FAM107B: variants seen among roughly 807,000 people sequenced by gnomAD.
FAM107B encodes protein FAM107B.
A neutral mutation model predicts 31.5 loss-of-function variants in FAM107B; 21 were observed. That is an observed-to-expected ratio of 0.67 (90% CI 0.47 to 0.96). The LOEUF is 0.96. Among genes scored for constraint, FAM107B ranks in the 40% least tolerant of loss-of-function variants. The pLI, the probability that FAM107B is intolerant of heterozygous loss-of-function variation, is 0.00. For missense variants in FAM107B, 452 were observed against 377.1 expected, an observed-to-expected ratio of 1.20 and a Z score of -1.64; for synonymous variants, 157 against 141.5, an observed-to-expected ratio of 1.11 and a Z score of -0.78.
At chr10:14,642,553 G>T (rs185675603) in intron 2 of FAM107B, among the ~76,000 whole-genome samples, 1 of 152,290 alleles carries the variant, frequency 6.6e-6, no homozygotes, top group East Asian at 1.9e-4. Context: ...CAAACTGGCA[G>T]TGTTTCTGCT....
At chr10:14,527,122 C>G (rs1046260934) in intron 3 of FAM107B, among the ~76,000 whole-genome samples, 42 of 151,990 alleles carry the variant, frequency 2.8e-4, no homozygotes. Context: ...CAGGCGTGAG[C>G]CACCACACCC....
chr10:14,556,240 G>A lies in FAM107B; in HGVS notation c.470-25725C>T, dbSNP rs140971364. The A allele has an allele frequency of 4.0e-3, 2,174 of 542,562 alleles. 6 individuals are homozygous for A. The highest frequency in any genetic ancestry group is 6.9e-3 in the Admixed American group (109 of 15,736). 33.6% of individuals were successfully genotyped at this position (542,562 alleles called of 1,614,324 possible). A position where few individuals can be genotyped will look rare whatever the true frequency, so the allele number is the denominator to read the frequency against. On this transcript the variant is annotated intron_variant, in intron 2 of 4. Transcript: ENST00000181796. The stretch of plus-strand genomic sequence containing the variant: ...CTTAAAGTGACTTTCCAGAGCCCTC[G>A]TCCTTCCTGTCATCAGAACCGACTG...
intron 2 of FAM107B, among the ~76,000 whole-genome samples, chr10:14,568,136 C>T (rs944681320): frequency 1.3e-5 from 2 of 152,012 alleles, no homozygotes; most frequent in Non-Finnish European, 2.9e-5. Context: ...GGACAGAATA[C>T]GACTGAGACA....
At chr10:14,768,784 G>C (rs1833237336) in intron 1 of FAM107B, among the ~76,000 whole-genome samples, 1 of 152,142 alleles carries the variant, frequency 6.6e-6, no homozygotes, top group South Asian at 2.1e-4. Context: ...TTTTCCAATG[G>C]GGAGAATACG....
intron 2 of FAM107B, among the ~76,000 whole-genome samples, chr10:14,580,764 C>T (rs1851610231): frequency 6.6e-6 from 1 of 152,026 alleles, no homozygotes; most frequent in African/African-American, 2.4e-5. Flanking sequence ...CTCTTTAAAT[C>T]ATTTTAATTC....
intron 1 of FAM107B, among the ~76,000 whole-genome samples, chr10:14,751,606 G>A (rs1213848679): frequency 6.6e-6 from 1 of 151,842 alleles, no homozygotes; most frequent in Admixed American, 6.6e-5. Flanking sequence ...GGGCTAAAGC[G>A]ATCCTCCAAC....
At chr10:14,640,332 A>G (rs1853597939) in intron 2 of FAM107B, among the ~76,000 whole-genome samples, 1 of 152,216 alleles carries the variant, frequency 6.6e-6, no homozygotes, top group African/African-American at 2.4e-5. Context: ...AGTGAAATGA[A>G]TGGGTGCACA....
Position 14,723,370 on chromosome 10 carries a change from G to A in FAM107B, c.411+50883C>T, listed in dbSNP as rs1233197887. On this transcript the variant is annotated intron_variant, in intron 1 of 4. Transcript: ENST00000181796. ...ACTCAGGTGCTGGAGCAGTCGATTT[G>A]CCCTGAAATTCCTCCTTGGTCACAG... 21 of 547,692 alleles carry A rather than the reference G, an allele frequency of 3.8e-5. 1 individual carries two copies. The highest frequency in any genetic ancestry group is 3.1e-4 in the Admixed American group (16 of 52,370). 33.9% of individuals were successfully genotyped at this position (547,692 alleles called of 1,614,324 possible).
At chr10:14,679,303 T>A (rs1854769638) in intron 1 of FAM107B, among the ~76,000 whole-genome samples, 1 of 152,162 alleles carries the variant, frequency 6.6e-6, no homozygotes, top group Admixed American at 6.5e-5. Context: ...CTAATATTTT[T>A]ATTTTTTTGT....
At position 14,600,923 on chromosome 10, in the gene FAM107B, G is replaced by A. The variant is rs374679864; in HGVS notation, c.469+66711C>T. Reference sequence around the variant, plus strand: ...CCTGAGTAGCTTCAACCACAGGAGCGCGCTGCCACACCCAGCTAATTTTTC... The same window carrying A: ...CCTGAGTAGCTTCAACCACAGGAGCACGCTGCCACACCCAGCTAATTTTTC... On this transcript the variant is annotated intron_variant, in intron 2 of 4. Coordinates refer to ENST00000181796, the MANE Select transcript of FAM107B (RefSeq NM_031453.4). 5.9e-5 allele frequency among the ~76,000 whole-genome samples: 9 copies of A among 152,082 alleles called. No homozygotes were observed. In the South Asian group the frequency reaches 6.2e-4, roughly 11 times the overall value.
intron 1 of FAM107B, among the ~76,000 whole-genome samples, chr10:14,704,479 G>A (rs1855476513): frequency 6.6e-6 from 1 of 152,180 alleles, no homozygotes; most frequent in Non-Finnish European, 1.5e-5. Flanking sequence ...GGTCTACCCA[G>A]AGACAGGTCT....
intron 2 of FAM107B, among the ~76,000 whole-genome samples, chr10:14,534,407 T>C (rs1305130194): frequency 6.6e-6 from 1 of 152,068 alleles, no homozygotes; most frequent in Non-Finnish European, 1.5e-5. Context: ...GCAATAACCA[T>C]CACTATGACC....
At position 14,736,501 on chromosome 10, in the gene FAM107B, C is replaced by A. The variant is rs1445915461; in HGVS notation, c.411+37752G>T. Among the ~76,000 whole-genome samples the A allele has an allele frequency of 7.2e-5, 11 of 152,288 alleles. 1 individual carries two copies. In the Middle Eastern group the frequency reaches 0.01, roughly 141 times the overall value. On this transcript the variant is annotated intron_variant, in intron 1 of 4. Coordinates refer to ENST00000181796, the MANE Select transcript of FAM107B (RefSeq NM_031453.4). ...AAGACTCTATCCTTAGTGTACTCTT[C>A]AGCCTATTGCACTAAAGTGAATACT...
chr10:14,715,106 T>C (rs968389462), intron 1 of FAM107B, among the ~76,000 whole-genome samples: 1 of 152,112 alleles, frequency 6.6e-6, no homozygotes, highest in African/African-American at 2.4e-5. Context: ...GATCAGCCGA[T>C]ACTCAAAGAT....
chr10:14,545,667 G>A (rs938159669), intron 2 of FAM107B, among the ~76,000 whole-genome samples: 1 of 152,156 alleles, frequency 6.6e-6, no homozygotes, highest in East Asian at 1.9e-4. Flanking sequence ...AGTTTTGATT[G>A]ACTTCTTTTC....
intron 2 of FAM107B, among the ~76,000 whole-genome samples, chr10:14,638,358 T>C (rs1853553714): frequency 1.3e-5 from 2 of 152,134 alleles, no homozygotes; most frequent in South Asian, 4.1e-4. Flanking sequence ...AAGTGGAAGA[T>C]GCCTTAAAGG....
At chr10:14,651,290 C>T (rs1004763650) in intron 2 of FAM107B, among the ~76,000 whole-genome samples, 1 of 152,198 alleles carries the variant, frequency 6.6e-6, no homozygotes, top group African/African-American at 2.4e-5. Context: ...ATCTGGCCAT[C>T]TCTGCCATGT....
At chr10:14,565,504 G>C (rs1850587487) in intron 2 of FAM107B, among the ~76,000 whole-genome samples, 1 of 152,202 alleles carries the variant, frequency 6.6e-6, no homozygotes, top group South Asian at 2.1e-4. Context: ...AGAGGACACT[G>C]AGGAAGAACC....
In FAM107B at chr10:14,573,921, A is replaced by C. The variant is rs562932888; in HGVS notation, c.470-43406T>G. On this transcript the variant is annotated intron_variant, in intron 2 of 4. Transcript: ENST00000181796. The stretch of plus-strand genomic sequence containing the variant: ...ATGATATAAAAACAAACAAACAAAA[A>C]AAAAAAACCACCCTAGGGCCCAGGA... Among the ~76,000 whole-genome samples, 378 of 145,468 alleles carry C rather than the reference A, an allele frequency of 2.6e-3. 5 individuals are homozygous for C. Among genetic ancestry groups the C allele is most frequent in the African/African-American group, 8.8e-3 (347 of 39,518 alleles).
Sources: gnomAD v4.1 joint callset for allele counts (sites outside exome capture counted in the v4.1 genomes callset) on GRCh38, gnomAD v4.1.1 for gene constraint, MANE v1.5 for transcripts, NCBI Gene and HGNC (gene_info 2026-07-23, HGNC 2026-07-21) for gene names.